Variants in CASR observed in about 807,000 individuals in gnomAD.
CASR encodes the protein extracellular calcium-sensing receptor.
A neutral mutation model predicts 69.1 loss-of-function variants in CASR; 23 were observed. The ratio of observed to expected loss-of-function variants is 0.33; its 90% CI spans 0.24 to 0.47. CASR has a LOEUF of 0.47. Ranked by LOEUF, CASR falls within the 20% of genes least tolerant of loss-of-function variation. The pLI, the probability that CASR is intolerant of heterozygous loss-of-function variation, is 1.00. For synonymous variants in CASR, 541 were observed against 544.7 expected, an observed-to-expected ratio of 0.99 and a Z score of 0.10; for missense variants, 924 against 1,356.1, an observed-to-expected ratio of 0.68 and a Z score of 5.00.
intron 1 of CASR, among the ~76,000 whole-genome samples, chr3:122,223,266 G>A (rs2074189631): frequency 6.6e-6 from 1 of 151,750 alleles, no homozygotes; most frequent in African/African-American, 2.4e-5. Flanking sequence ...GACAAAAGCT[G>A]GTTCTTCAAA....
At chr3:122,243,783 C>A (rs2074401276) in intron 1 of CASR, among the ~76,000 whole-genome samples, 1 of 151,816 alleles carries the variant, frequency 6.6e-6, no homozygotes, top group Admixed American at 6.6e-5. Flanking sequence ...CCTAAGTGTC[C>A]ATCGAAAGAT....
At chr3:122,199,094 TAAGTA>T (rs1173683155) in intron 1 of CASR, among the ~76,000 whole-genome samples, 2 of 152,220 alleles carry the variant, frequency 1.3e-5, no homozygotes, top group African/African-American at 2.4e-5. Flanking sequence ...TCATAAACAA[TAAGTA>T]AATAAGGGAA....
rs201858689 is a variant in CASR at position 122,284,257 on chromosome 3, G to T, written c.2303G>T (p.Gly768Val). The T allele has an allele frequency of 2.1e-5, 34 of 1,614,024 alleles. No homozygotes were observed. In the South Asian group the frequency reaches 3.0e-4, roughly 14 times the overall value. Reference sequence around the variant, plus strand: ...ATCATCTTCATCACGTGCCACGAGGGCTCCCTCATGGCCCTGGGCTTCCTG... The same window carrying T: ...ATCATCTTCATCACGTGCCACGAGGTCTCCCTCATGGCCCTGGGCTTCCTG... ...DEIIFITCHEGSLMALGFLIG... is the reference protein window; with the variant it reads ...DEIIFITCHEVSLMALGFLIG... The change falls in exon 7 of 7, where the codon GGC becomes GTC. Residue 768 changes from glycine (G) to valine (V), a missense_variant. Transcript: ENST00000639785.
In CASR at chr3:122,281,971, C is replaced by T. The variant is rs57515211; in HGVS notation, c.1609-142C>T. 1,065 of 1,160,430 alleles carry T rather than the reference C, an allele frequency of 9.2e-4. 13 individuals carry two copies. The East Asian group carries it at 0.021, about 23-fold the overall frequency. 71.9% of individuals were successfully genotyped at this position (1,160,430 alleles called of 1,614,324 possible). A position where few individuals can be genotyped will look rare whatever the true frequency, so the allele number is the denominator to read the frequency against. ...TCAGAACCAAGGACCTCTGGACCTCCCTTTGCCTGGAATGGGCCCAACGTC... is the reference window on the plus strand; with the variant it reads ...TCAGAACCAAGGACCTCTGGACCTCTCTTTGCCTGGAATGGGCCCAACGTC... On this transcript the variant is annotated intron_variant, in intron 5 of 6. Coordinates refer to ENST00000639785, the MANE Select transcript of CASR (RefSeq NM_000388.4).
chr3:122,270,075 C>T (rs2074741714), intron 4 of CASR, among the ~76,000 whole-genome samples: 1 of 152,148 alleles, frequency 6.6e-6, no homozygotes, highest in Non-Finnish European at 1.5e-5. Context: ...CTCCTGGCCT[C>T]AAGTGATCCA....
At chr3:122,225,691 A>G (rs367618395) in intron 1 of CASR, among the ~76,000 whole-genome samples, 10 of 152,190 alleles carry the variant, frequency 6.6e-5, no homozygotes, top group South Asian at 2.1e-4. Flanking sequence ...TTAAAATAGA[A>G]CTATCATTTG....
chr3:122,264,371 A>C (rs1394021593), intron 4 of CASR, among the ~76,000 whole-genome samples: 1 of 152,218 alleles, frequency 6.6e-6, no homozygotes, highest in African/African-American at 2.4e-5. Context: ...ATCCTGTAAA[A>C]GTTCCAGAAA....
intron 1 of CASR, among the ~76,000 whole-genome samples, chr3:122,199,929 TGCAGTTTC>T (rs1433428721): frequency 3.3e-5 from 5 of 152,318 alleles, no homozygotes; most frequent in Admixed American, 2.0e-4. Flanking sequence ...GTTTTTGAGA[TGCAGTTTC>T]GCTCTCATTG....
chr3:122,261,567 A>G lies in CASR; in HGVS notation c.532A>G (p.Asn178Asp), dbSNP rs1060502855. 6.2e-7 allele frequency: 1 copy of G among 1,614,180 alleles called. No individual in the cohort carries two copies. Among genetic ancestry groups the G allele is most frequent in the Non-Finnish European group, 8.5e-7 (1 of 1,180,022 alleles). Residue 178 changes from asparagine to aspartate, a missense_variant, in exon 4 of 7, where the codon AAT (asparagine) becomes GAT (aspartate). By Grantham distance (23) the Asn-to-Asp change is conservative. This residue lies in a region of CASR where 141 missense variants were observed against 283.0 expected (regional missense o/e 0.50). Coordinates refer to ENST00000639785, the MANE Select transcript of CASR (RefSeq NM_000388.4). ...CTCCAGCAGACTCCTCAGCAACAAG[A>G]ATCAATTCAAGTCTTTCCTCCGAAC... Reference protein sequence around the residue: ...ASSSRLLSNKNQFKSFLRTIP... With the variant: ...ASSSRLLSNKDQFKSFLRTIP...
chr3:122,285,300 C>A lies in CASR; in HGVS notation c.*109C>A. 5.1e-6 allele frequency: 5 copies of A among 977,358 alleles called. No homozygotes were observed. The highest frequency in any genetic ancestry group is 8.1e-6 in the Non-Finnish European group (5 of 614,868). The allele number at this position is 977,358 out of a possible 1,614,324, so 60.5% of individuals were successfully genotyped here. On this transcript the variant is annotated 3_prime_UTR_variant, in exon 7 of 7. Coordinates refer to ENST00000639785, the MANE Select transcript of CASR (RefSeq NM_000388.4). ...CCTCTGAGGAAGAAGGGATAATAGA[C>A]ACATCAAATGCCCCGAATTTAGTCA...
At chr3:122,196,936 A>T (rs2073896999) in intron 1 of CASR, among the ~76,000 whole-genome samples, 2 of 152,146 alleles carry the variant, frequency 1.3e-5, no homozygotes, top group Non-Finnish European at 2.9e-5. Flanking sequence ...CCATCACCTC[A>T]CCTCAGTTAC....
chr3:122,188,487 C>T (rs1448819596), intron 1 of CASR, among the ~76,000 whole-genome samples: 1 of 149,106 alleles, frequency 6.7e-6, no homozygotes, highest in Admixed American at 6.6e-5. Flanking sequence ...ATACAGAGAA[C>T]TTCATGATCG....
rs1201397873 is a variant in CASR, at chr3:122,285,102, T to C, written c.3148T>C (p.Leu1050=). 3 of 1,613,796 alleles carry C rather than the reference T, an allele frequency of 1.9e-6. No homozygotes were observed. In the African/African-American group the frequency reaches 4.0e-5, roughly 22 times the overall value. ...QRPEVEDPEE[L]SPALVVSSSQ... ...GCCAGAGGTGGAGGACCCTGAAGAG[T>C]TGTCCCCAGCACTTGTAGTGTCCAG... The change falls in exon 7 of 7, where the codon TTG becomes CTG. Residue 1050 remains leucine, a synonymous_variant. Coordinates refer to ENST00000639785, the MANE Select transcript of CASR (RefSeq NM_000388.4).
Position 122,284,721 on chromosome 3 carries a change from C to G in CASR, c.2767C>G (p.Pro923Ala), listed in dbSNP as rs201517907. Residue 923 changes from proline (P) to alanine (A), a missense_variant, in exon 7 of 7, where the codon CCA (proline) becomes GCA (alanine). Around this residue, in one of 8 missense-constraint regions of CASR, gnomAD observed 201 missense variants for 228.8 expected, o/e 0.88. Coordinates refer to ENST00000639785, the MANE Select transcript of CASR (RefSeq NM_000388.4). ...SISSKSNSED[P>A]FPQPERQKQQ... ...CAGCAGCAAGAGCAACAGCGAAGAC[C>G]CATTCCCACAGCCCGAGAGGCAGAA... The G allele has an allele frequency of 1.5e-5, 25 of 1,614,048 alleles. No homozygotes were observed. Among genetic ancestry groups the G allele is most frequent in the African/African-American group, 2.7e-5 (2 of 74,930 alleles).
chr3:122,225,049 C>T (rs2074209222), intron 1 of CASR, among the ~76,000 whole-genome samples: 1 of 152,090 alleles, frequency 6.6e-6, no homozygotes, highest in Non-Finnish European at 1.5e-5. Flanking sequence ...TTCCTTTCAC[C>T]ATATACAAAA....
In CASR at chr3:122,254,294, G is replaced by C; in HGVS notation, c.105G>C (p.Gly35=). ...RAQKKGDIIL[G]GLFPIHFGVA... is the part of the protein sequence containing the mutation. ...AAAAGAAGGGGGACATTATCCTTGG[G>C]GGGCTCTTTCCTATTCATTTTGGAG... The change falls in exon 2 of 7, where the codon GGG becomes GGC. Residue 35 remains glycine, a synonymous_variant. Coordinates refer to ENST00000639785, the MANE Select transcript of CASR (RefSeq NM_000388.4). 1 of 1,614,168 alleles carries C rather than the reference G, an allele frequency of 6.2e-7. No individual in the cohort carries two copies. Among genetic ancestry groups the C allele is most frequent in the Non-Finnish European group, 8.5e-7 (1 of 1,180,044 alleles).
chr3:122,240,094 A>G (rs1003049947), intron 1 of CASR, among the ~76,000 whole-genome samples: 2 of 152,232 alleles, frequency 1.3e-5, no homozygotes, highest in Admixed American at 1.3e-4. Flanking sequence ...GCATTTACTA[A>G]TCAAACTCCT....
intron 1 of CASR, among the ~76,000 whole-genome samples, chr3:122,199,983 C>T (rs1307608376): frequency 1.3e-5 from 2 of 152,200 alleles, no homozygotes; most frequent in Non-Finnish European, 2.9e-5. Flanking sequence ...TCTTGGCTCA[C>T]CACAACCTCC....
chr3:122,234,130 A>G (rs1239123382), intron 1 of CASR, among the ~76,000 whole-genome samples: 1 of 152,232 alleles, frequency 6.6e-6, no homozygotes, highest in Non-Finnish European at 1.5e-5. Context: ...TGTCCAGTTC[A>G]TGGCAAAAGT....
Sources: gnomAD v4.1 joint callset for allele counts (sites outside exome capture counted in the v4.1 genomes callset) on GRCh38, gnomAD v4.1.1 for gene constraint, gnomAD v4.1.1 regional missense constraint, MANE v1.5 for transcripts, NCBI Gene and HGNC (gene_info 2026-07-23, HGNC 2026-07-21) for gene names.